Variants in KDELR3 observed in about 807,000 individuals in gnomAD.
The protein encoded by KDELR3 is ER lumen protein-retaining receptor 3.
Under a neutral mutation model 22.7 loss-of-function variants are expected in KDELR3, and 26 were observed. That is an observed-to-expected ratio of 1.15 (90% CI 0.84 to 1.59). The LOEUF is 1.59. KDELR3 is among the 40% of genes most tolerant of loss of function. The pLI is 0.00. For synonymous variants in KDELR3, 120 were observed against 98.2 expected, an observed-to-expected ratio of 1.22 and a Z score of -1.31; for missense variants, 289 against 251.1, an observed-to-expected ratio of 1.15 and a Z score of -1.02.
intron 1 of KDELR3, among the ~76,000 whole-genome samples, chr22:38,470,026 G>C (rs2089515093): frequency 6.6e-6 from 1 of 151,778 alleles, no homozygotes; most frequent in Non-Finnish European, 1.5e-5. Flanking sequence ...CGCCATGTTG[G>C]CCAGGCTGGT....
chr22:38,474,635 G>T lies in KDELR3; in HGVS notation c.192+12G>T. ...ACACAGTAATGAAGGTGAGGGGCTG[G>T]GTGATGATGGTTGGGGGAAGCCACC... is the stretch of plus-strand genomic sequence containing the variant. On this transcript the variant is annotated intron_variant, in intron 2 of 4. Transcript: ENST00000216014. 6.2e-7 allele frequency: 1 copy of T among 1,603,734 alleles called. No individual in the cohort carries two copies.
Position 38,468,227 on chromosome 22 carries a change from C to T in KDELR3, c.-7C>T. ...TGGGCGCGGGCGCACGACTGACTGGCTGGACCATGAACGTGTTCCGAATCC... is the reference window on the plus strand; with the variant it reads ...TGGGCGCGGGCGCACGACTGACTGGTTGGACCATGAACGTGTTCCGAATCC... On this transcript the variant is annotated 5_prime_UTR_variant, in exon 1 of 5. Coordinates refer to ENST00000216014, the MANE Select transcript of KDELR3 (RefSeq NM_006855.4). 2 of 1,613,520 alleles carry T rather than the reference C, an allele frequency of 1.2e-6. No individual in the cohort carries two copies. The highest frequency in any genetic ancestry group is 8.5e-7 in the Non-Finnish European group (1 of 1,179,692).
At chr22:38,469,704 C>G (rs932564062) in intron 1 of KDELR3, among the ~76,000 whole-genome samples, 2 of 152,222 alleles carry the variant, frequency 1.3e-5, no homozygotes, top group Non-Finnish European at 2.9e-5. Flanking sequence ...AGTGAGCAAC[C>G]ATGACCAAGA....
At chr22:38,480,857 G>C (rs1279574535) in intron 3 of KDELR3, among the ~76,000 whole-genome samples, 1 of 151,954 alleles carries the variant, frequency 6.6e-6, no homozygotes, top group African/African-American at 2.4e-5. Flanking sequence ...CTTGAGCCCA[G>C]GAGTTTGAGA....
rs1184563532 is a variant in KDELR3 at position 38,473,922 on chromosome 22, C to T, written c.92-601C>T. 4.6e-5 allele frequency among the ~76,000 whole-genome samples: 7 copies of T among 151,728 alleles called. No individual in the cohort carries two copies. In the East Asian group the frequency reaches 1.2e-3, roughly 25 times the overall value. On this transcript the variant is annotated intron_variant, in intron 1 of 4. Coordinates refer to ENST00000216014, the MANE Select transcript of KDELR3 (RefSeq NM_006855.4). ...CCAGGAGGCAGAGGTTGTGGTGAGC[C>T]GAGATCACGCCACTGCACTCCAGCC...
chr22:38,477,464 A>T (rs942478483), intron 2 of KDELR3, among the ~76,000 whole-genome samples: 2 of 152,142 alleles, frequency 1.3e-5, no homozygotes, highest in Non-Finnish European at 2.9e-5. Context: ...CGGCCTCCCA[A>T]AGTGCTGGGA....
chr22:38,478,629 ATTTTTTTTTTT>A (rs55884876), intron 2 of KDELR3, among the ~76,000 whole-genome samples: 7 of 43,562 alleles, frequency 1.6e-4, no homozygotes, highest in Admixed American at 9.8e-4. Flanking sequence ...AGCATCTGTG[ATTTTTTTTTTT>A]TTTTTTTTTT....
chr22:38,470,736 C>A (rs555947942), intron 1 of KDELR3, among the ~76,000 whole-genome samples: 1 of 152,204 alleles, frequency 6.6e-6, no homozygotes, highest in East Asian at 1.9e-4. Context: ...CTTAGTGGAC[C>A]CCGGAGGGAC....
At chr22:38,481,525 A>G in intron 4 of KDELR3, 61 bp downstream of exon 4, 1 of 1,610,170 alleles carries the variant, frequency 6.2e-7, no homozygotes, top group Non-Finnish European at 8.5e-7. Context: ...TCCATTTAAT[A>G]AGTATTCCAG....
intron 3 of KDELR3, among the ~76,000 whole-genome samples, chr22:38,480,036 AG>A (rs2089588454): frequency 6.6e-6 from 1 of 152,242 alleles, no homozygotes; most frequent in African/African-American, 2.4e-5. Flanking sequence ...CCTGTAGCAC[AG>A]TCCAGGCCCA....
intron 2 of KDELR3, 37 bp downstream of exon 2, chr22:38,474,660 C>A: frequency 6.5e-7 from 1 of 1,527,518 alleles, no homozygotes; most frequent in Non-Finnish European, 9.1e-7. Flanking sequence ...GGGAAGCCAC[C>A]AAGCCCCCAC....
chr22:38,474,466 G>T (rs1391046225), intron 1 of KDELR3, 57 bp from the exon 2 acceptor site: 17 of 1,395,560 alleles, frequency 1.2e-5, no homozygotes, highest in Non-Finnish European at 1.6e-5. Flanking sequence ...ACCTCTTGAG[G>T]GTGGGCAGGC....
chr22:38,477,377 G>C (rs1447433432), intron 2 of KDELR3, among the ~76,000 whole-genome samples: 1 of 151,178 alleles, frequency 6.6e-6, no homozygotes, highest in Non-Finnish European at 1.5e-5. Flanking sequence ...GCTAATTTTT[G>C]TATTTTTAGT....
Position 38,474,557 on chromosome 22 carries a change from C to T in KDELR3, c.126C>T (p.Leu42=), listed in dbSNP as rs201269393. The T allele has an allele frequency of 5.5e-5, 89 of 1,614,012 alleles. No individual in the cohort carries two copies. Among genetic ancestry groups the T allele is most frequent in the Non-Finnish European group, 2.5e-5 (29 of 1,179,968 alleles). Residue 42 remains leucine (L), a synonymous_variant, in exon 2 of 5, where the codon CTC becomes CTT. Transcript: ENST00000216014. ...ISGKSQILFA[L]VFTTRYLDLF... ...GGAAGAGCCAGATCCTGTTTGCTCT[C>T]GTCTTCACCACCAGGTACCTGGACC...
intron 1 of KDELR3, among the ~76,000 whole-genome samples, chr22:38,470,664 CTG>C (rs1056460588): frequency 2.6e-5 from 4 of 152,090 alleles, no homozygotes; most frequent in Admixed American, 6.5e-5. Context: ...GACCCTGGGC[CTG>C]TGTTTTCCCA....
chr22:38,474,679 A>G (rs1602658970), intron 2 of KDELR3, 56 bp downstream of exon 2: 5 of 1,414,614 alleles, frequency 3.5e-6, no homozygotes, highest in African/African-American at 2.8e-5. Context: ...ACAAACTGTG[A>G]GGTAGCCTGC....
Position 38,483,406 on chromosome 22 carries a change from A to G in KDELR3, c.*870A>G, listed in dbSNP as rs1467583593. 2.0e-5 allele frequency: 3 copies of G among 152,302 alleles called. No homozygotes were observed. The highest frequency in any genetic ancestry group is 4.4e-5 in the Non-Finnish European group (3 of 68,052). The allele number at this position is 152,302 out of a possible 1,614,324, so 9.4% of individuals were successfully genotyped here. On this transcript the variant is annotated 3_prime_UTR_variant, in exon 5 of 5. Coordinates refer to ENST00000216014, the MANE Select transcript of KDELR3 (RefSeq NM_006855.4). The stretch of plus-strand genomic sequence containing the variant: ...TGTTTTAAGACGTCTACGTTGAATT[A>G]TTCAGAGAATTAAGCAATAAAAGCT...
chr22:38,476,828 C>CTTT (rs1256274094), intron 2 of KDELR3, among the ~76,000 whole-genome samples: 3 of 137,840 alleles, frequency 2.2e-5, no homozygotes, highest in Admixed American at 7.3e-5. Flanking sequence ...CTGGCCCCCC[C>CTTT]TTTTTTTTTT....
chr22:38,477,165 G>A (rs974136743), intron 2 of KDELR3, among the ~76,000 whole-genome samples: 8 of 146,628 alleles, frequency 5.5e-5, no homozygotes, highest in Admixed American at 3.5e-4. Flanking sequence ...TGCCCACCTC[G>A]GCCTCCCAAA....
Sources: allele counts gnomAD v4.1 joint callset (sites outside exome capture counted in the v4.1 genomes callset), GRCh38; gene constraint gnomAD v4.1.1; transcripts MANE v1.5; gene names NCBI Gene and HGNC (gene_info 2026-07-23, HGNC 2026-07-21).